MBD5: variants seen among roughly 807,000 people sequenced by gnomAD.
MBD5 encodes methyl-CpG-binding domain protein 5.
Under a neutral mutation model 117.3 loss-of-function variants are expected in MBD5, and 13 were observed. That is an observed-to-expected ratio of 0.11 (90% CI 0.07 to 0.18). MBD5 has a LOEUF of 0.18. Among genes scored for constraint, MBD5 ranks in the 10% least tolerant of loss-of-function variants. MBD5 has a pLI of 1.00. For missense variants in MBD5, 1,879 were observed against 2,093.8 expected (o/e 0.90, Z 2.00); for synonymous variants, 727 against 766.4 (o/e 0.95, Z 0.85).
chr2:148,395,312 T>C (rs117343771), intron 4 of MBD5, among the ~76,000 whole-genome samples: 1 of 152,154 alleles, frequency 6.6e-6, no homozygotes, highest in Non-Finnish European at 1.5e-5. Context: ...TGCTGCACCA[T>C]CCTTTGTTTT....
At chr2:148,151,723 T>C (rs1697674196) in intron 1 of MBD5, among the ~76,000 whole-genome samples, 1 of 152,200 alleles carries the variant, frequency 6.6e-6, no homozygotes, top group Admixed American at 6.5e-5. Context: ...TCTAGTTGAT[T>C]TGTGTAGAGG....
chr2:148,306,749 T>C (rs181869203), intron 3 of MBD5, among the ~76,000 whole-genome samples: 3 of 152,288 alleles, frequency 2.0e-5, no homozygotes, highest in African/African-American at 7.2e-5. Context: ...ATTAATAGTT[T>C]TATGAACCCA....
intron 3 of MBD5, 137 bp downstream of exon 3, chr2:148,233,532 T>C (rs1358990741): frequency 1.3e-5 from 2 of 152,196 alleles, no homozygotes; most frequent in African/African-American, 4.8e-5. Context: ...TTTTTCTTTA[T>C]TTTCTTTTTT....
intron 3 of MBD5, among the ~76,000 whole-genome samples, chr2:148,289,039 T>C (rs956808567): frequency 2.0e-5 from 3 of 152,230 alleles, no homozygotes; most frequent in African/African-American, 7.2e-5. Context: ...TTTCTGAAAC[T>C]ATTTATTTAA....
intron 2 of MBD5, among the ~76,000 whole-genome samples, chr2:148,231,744 G>C (rs551666124): frequency 6.6e-6 from 1 of 152,156 alleles, no homozygotes; most frequent in Non-Finnish European, 1.5e-5. Context: ...GATGGGAGGG[G>C]AGAAGGGTAG....
chr2:148,500,882 T>C (rs1445156898), intron 11 of MBD5, among the ~76,000 whole-genome samples: 1 of 152,208 alleles, frequency 6.6e-6, no homozygotes, highest in Non-Finnish European at 1.5e-5. Flanking sequence ...ATTTCTAACA[T>C]GAAATATGAA....
At chr2:148,318,348 T>C (rs1265665041) in intron 3 of MBD5, among the ~76,000 whole-genome samples, 1 of 152,108 alleles carries the variant, frequency 6.6e-6, no homozygotes, top group African/African-American at 2.4e-5. Context: ...CCTTGTAGAT[T>C]CTGGATGTTA....
chr2:148,183,736 G>A (rs11897102), intron 2 of MBD5, among the ~76,000 whole-genome samples: 1,900 of 151,928 alleles, frequency 0.013, 43 homozygotes, highest in African/African-American at 0.043. Flanking sequence ...TACTTCACAC[G>A]TCTTTTAATT....
In MBD5 at chr2:148,300,528, A is replaced by G. The variant is rs187766539; in HGVS notation, c.-679-41686A>G. ...AAAAAAAACTAGACACAACTAAAAT[A>G]TTACCTTCCTTGAAAAGTTTTTCTC... On this transcript the variant is annotated intron_variant, in intron 3 of 13. Coordinates refer to ENST00000642680, the MANE Select transcript of MBD5 (RefSeq NM_001378120.1). 8.1e-4 allele frequency among the ~76,000 whole-genome samples: 124 copies of G among 152,198 alleles called. 1 individual carries two copies. Among genetic ancestry groups the G allele is most frequent in the Admixed American group, 1.9e-3 (29 of 15,292 alleles).
At chr2:148,362,927 A>G (rs1376430996) in intron 4 of MBD5, among the ~76,000 whole-genome samples, 1 of 152,198 alleles carries the variant, frequency 6.6e-6, no homozygotes, top group Non-Finnish European at 1.5e-5. Flanking sequence ...TAGCAAACAG[A>G]AAGGAATAGC....
At chr2:148,306,031 C>T (rs1416274800) in intron 3 of MBD5, among the ~76,000 whole-genome samples, 2 of 152,080 alleles carry the variant, frequency 1.3e-5, no homozygotes, top group African/African-American at 4.8e-5. Flanking sequence ...GGTAATTGAT[C>T]ACATAGGCTT....
intron 1 of MBD5, among the ~76,000 whole-genome samples, chr2:148,050,163 C>G (rs565787417): frequency 1.3e-5 from 2 of 152,026 alleles, no homozygotes; most frequent in Non-Finnish European, 2.9e-5. Flanking sequence ...CATTAGCATA[C>G]GAGGGTTCCA....
intron 3 of MBD5, among the ~76,000 whole-genome samples, chr2:148,283,271 T>C (rs1361875903): frequency 6.6e-6 from 1 of 152,190 alleles, no homozygotes; most frequent in African/African-American, 2.4e-5. Flanking sequence ...TAGGTAACCC[T>C]GAGCCTGGTA....
At chr2:148,378,670 A>G (rs1237276369) in intron 4 of MBD5, among the ~76,000 whole-genome samples, 2 of 152,014 alleles carry the variant, frequency 1.3e-5, no homozygotes, top group Non-Finnish European at 2.9e-5. Flanking sequence ...ATTGTAATCA[A>G]TTTTTTAAAA....
intron 3 of MBD5, among the ~76,000 whole-genome samples, chr2:148,266,660 T>G (rs573415531): frequency 6.6e-6 from 1 of 152,178 alleles, no homozygotes; most frequent in African/African-American, 2.4e-5. Context: ...GGACTAAAAA[T>G]CAGTTTATAA....
At chr2:148,404,024 C>A (rs997853243) in intron 4 of MBD5, among the ~76,000 whole-genome samples, 3 of 152,008 alleles carry the variant, frequency 2.0e-5, no homozygotes, top group Non-Finnish European at 2.9e-5. Flanking sequence ...ACATAATTGC[C>A]TGGAGGTTCA....
At chr2:148,209,806 T>C (rs1237391064) in intron 2 of MBD5, among the ~76,000 whole-genome samples, 6 of 152,048 alleles carry the variant, frequency 3.9e-5, no homozygotes, top group Non-Finnish European at 8.8e-5. Flanking sequence ...AGGTGCTACA[T>C]ACTTTTAAAC....
intron 12 of MBD5, among the ~76,000 whole-genome samples, chr2:148,508,903 G>T (rs369182974): frequency 6.6e-6 from 1 of 152,210 alleles, no homozygotes; most frequent in African/African-American, 2.4e-5. Context: ...TTCTCAAAGT[G>T]TAGACAGAAA....
intron 3 of MBD5, among the ~76,000 whole-genome samples, chr2:148,294,439 T>C (rs1456636570): frequency 6.7e-6 from 1 of 150,112 alleles, no homozygotes; most frequent in East Asian, 2.0e-4. Flanking sequence ...TTAGCCAGGA[T>C]GGTCTTGATC....
Sources: allele counts gnomAD v4.1 joint callset (sites outside exome capture counted in the v4.1 genomes callset), GRCh38; gene constraint gnomAD v4.1.1; transcripts MANE v1.5; gene names NCBI Gene and HGNC (gene_info 2026-07-23, HGNC 2026-07-21).